The following RANBP2 variants were observed in gnomAD, a reference collection of about 807,000 sequenced individuals.
RANBP2 encodes E3 SUMO-protein ligase RanBP2.
Under a neutral mutation model 303.6 loss-of-function variants are expected in RANBP2, and 57 were observed. The observed-to-expected ratio is 0.19, with a 90% CI of 0.15 to 0.23. The LOEUF (loss-of-function observed/expected upper bound fraction) is 0.23, where lower values mean the gene tolerates loss of function less well. Ranked by LOEUF, RANBP2 falls within the 10% of genes least tolerant of loss-of-function variation. The pLI is 1.00. For missense variants in RANBP2, 3,138 were observed against 3,780.8 expected (o/e 0.83, Z 4.46); for synonymous variants, 1,167 against 1,301.5 (o/e 0.90, Z 2.23).
chr2:109,707,411 A>T, the RANBP2 span, among the ~76,000 whole-genome samples: 3 of 152,246 alleles, frequency 2.0e-5, no homozygotes, highest in African/African-American at 7.2e-5. Context: ...CAGGGGAAGC[A>T]GTGCTAAGAT....
the RANBP2 span, among the ~76,000 whole-genome samples, chr2:109,096,119 T>C: frequency 2.0e-5 from 3 of 152,326 alleles, no homozygotes; most frequent in Non-Finnish European, 4.4e-5. Context: ...TCTAGTGTTT[T>C]ACACCTCTGA....
chr2:109,061,234 G>T, the RANBP2 span, among the ~76,000 whole-genome samples: 1 of 152,102 alleles, frequency 6.6e-6, no homozygotes, highest in East Asian at 1.9e-4. Flanking sequence ...GTGTACTTAT[G>T]CACACAAACA....
chr2:109,529,270 C>T, the RANBP2 span, among the ~76,000 whole-genome samples: 322 of 152,226 alleles, frequency 2.1e-3, 2 homozygotes, highest in Middle Eastern at 0.01. Flanking sequence ...TTTGTTTGAA[C>T]ATAGACAGGG....
At chr2:109,340,074 G>A in the RANBP2 span, among the ~76,000 whole-genome samples, 9 of 152,236 alleles carry the variant, frequency 5.9e-5, no homozygotes, top group African/African-American at 1.4e-4. Flanking sequence ...AGCAGTAATC[G>A]GGTTATCGGG....
chr2:108,961,675 C>T, the RANBP2 span, among the ~76,000 whole-genome samples: 1 of 152,216 alleles, frequency 6.6e-6, no homozygotes, highest in Non-Finnish European at 1.5e-5. Context: ...CACATTCATT[C>T]TGATGCAAGG....
At chr2:108,969,209 C>A in the RANBP2 span, among the ~76,000 whole-genome samples, 1 of 152,088 alleles carries the variant, frequency 6.6e-6, no homozygotes, top group Non-Finnish European at 1.5e-5. Flanking sequence ...GCTTTGACAA[C>A]CTTCTTTTTT....
the RANBP2 span, among the ~76,000 whole-genome samples, chr2:109,040,138 T>G: frequency 6.6e-6 from 1 of 152,242 alleles, no homozygotes; most frequent in Non-Finnish European, 1.5e-5. Context: ...CTGTATGGCA[T>G]GAAGTGGGGG....
the RANBP2 span, among the ~76,000 whole-genome samples, chr2:109,179,891 T>C: frequency 6.6e-6 from 1 of 152,176 alleles, no homozygotes; most frequent in Non-Finnish European, 1.5e-5. Flanking sequence ...CGCAGGAAAA[T>C]ACAGGGGTCA....
At chr2:108,924,180 G>C in the RANBP2 span, among the ~76,000 whole-genome samples, 2 of 152,248 alleles carry the variant, frequency 1.3e-5, no homozygotes, top group African/African-American at 4.8e-5. Context: ...AGCTCCCAGT[G>C]ATGTTCCATT....
At chr2:109,615,055 GC>G in the RANBP2 span, 2 of 1,549,046 alleles carry the variant, frequency 1.3e-6, no homozygotes, top group South Asian at 2.4e-5. Flanking sequence ...GCGGACAGGG[GC>G]AGCTCCCTTG....
At chr2:109,710,829 G>T in the RANBP2 span, among the ~76,000 whole-genome samples, 1 of 152,190 alleles carries the variant, frequency 6.6e-6, no homozygotes, top group African/African-American at 2.4e-5. Flanking sequence ...GCTGTGTCAA[G>T]TCAGCAGCTT....
the RANBP2 span, among the ~76,000 whole-genome samples, chr2:109,469,835 G>A: frequency 6.6e-6 from 1 of 152,210 alleles, no homozygotes; most frequent in Admixed American, 6.5e-5. Context: ...TCCAGCCGTT[G>A]GTTATGTGTG....
At chr2:109,525,639 A>T in the RANBP2 span, among the ~76,000 whole-genome samples, 1 of 152,062 alleles carries the variant, frequency 6.6e-6, no homozygotes, top group East Asian at 1.9e-4. Context: ...CTGGACAACA[A>T]CTTGGTCACC....
the RANBP2 span, among the ~76,000 whole-genome samples, chr2:108,828,574 C>T: frequency 2.0e-5 from 3 of 152,190 alleles, no homozygotes; most frequent in Admixed American, 2.0e-4. Context: ...TTTTGACAAG[C>T]GTACGGAGAC....
chr2:109,717,294 C>G, the RANBP2 span, among the ~76,000 whole-genome samples: 2 of 146,452 alleles, frequency 1.4e-5, no homozygotes, highest in Non-Finnish European at 3.0e-5. Flanking sequence ...AAAAAAAACC[C>G]AGTTCCACGG....
chr2:108,930,036 G>A, the RANBP2 span: 1 of 1,501,028 alleles, frequency 6.7e-7, no homozygotes. Flanking sequence ...CCCTCACACA[G>A]CAAGGCAGGC....
At chr2:109,098,981 G>A in the RANBP2 span, among the ~76,000 whole-genome samples, 3 of 152,178 alleles carry the variant, frequency 2.0e-5, no homozygotes, top group African/African-American at 7.2e-5. Context: ...TGGAAAGGAG[G>A]GCTTTATTTC....
At chr2:109,303,155 C>T in the RANBP2 span, among the ~76,000 whole-genome samples, 1 of 152,196 alleles carries the variant, frequency 6.6e-6, no homozygotes, top group African/African-American at 2.4e-5. Context: ...GGACTGCAGG[C>T]GTGAGCCACC....
At chr2:109,480,050 A>AT in the RANBP2 span, among the ~76,000 whole-genome samples, 1 of 152,150 alleles carries the variant, frequency 6.6e-6, no homozygotes, top group African/African-American at 2.4e-5. Flanking sequence ...GTTGAGGACA[A>AT]TTGTCTAGAG....
Sources: allele counts gnomAD v4.1 joint callset (sites outside exome capture counted in the v4.1 genomes callset), GRCh38; gene constraint gnomAD v4.1.1; transcripts MANE v1.5; gene names NCBI Gene and HGNC (gene_info 2026-07-23, HGNC 2026-07-21).